The following NUMBL variants were observed in gnomAD, a reference collection of about 807,000 sequenced individuals.
The protein encoded by NUMBL is NUMB like endocytic adaptor protein, also known as numb-like protein.
NUMBL carries 20 observed loss-of-function variants against 48.9 expected under a neutral mutation model. The ratio of observed to expected loss-of-function variants is 0.41; its 90% CI spans 0.29 to 0.59. The LOEUF is 0.59. NUMBL is among the 20% of genes least tolerant of loss of function. The probability of loss-of-function intolerance (pLI) is 0.31; values close to 1 mark genes in which losing one functional copy is unlikely to be tolerated. For synonymous variants in NUMBL, 340 were observed against 348.7 expected (o/e 0.98, Z 0.28); for missense variants, 660 against 846.2 (o/e 0.78, Z 2.73).
At chr19:40,686,610 T>G (rs946362399) in intron 2 of NUMBL, among the ~76,000 whole-genome samples, 11 of 152,176 alleles carry the variant, frequency 7.2e-5, no homozygotes, top group Non-Finnish European at 1.5e-4. Context: ...TCAGCATGTG[T>G]TCAAGTGTGT....
At chr19:40,679,127 C>T (rs1194881231) in intron 6 of NUMBL, among the ~76,000 whole-genome samples, 1 of 151,942 alleles carries the variant, frequency 6.6e-6, no homozygotes, top group Non-Finnish European at 1.5e-5. Context: ...AAGCAGCTCA[C>T]GCCTGTAATC....
chr19:40,690,046 AGTT>A lies in NUMBL; in HGVS notation c.24+411_24+413del, dbSNP rs150036922. 32 of 158,982 alleles carry A rather than the reference AGTT, an allele frequency of 2.0e-4. No homozygotes were observed. The East Asian group carries it at 2.3e-3, about 12-fold the overall frequency. The allele number at this position is 158,982 out of a possible 1,614,324, so 9.8% of individuals were successfully genotyped here. A position where few individuals can be genotyped will look rare whatever the true frequency, so the allele number is the denominator to read the frequency against. ...CCCATCCTCGAGACCGTACCTAGGC[AGTT>A]GTTGTGCTGAGACCCCCTTAGGCAG... On this transcript the variant is annotated intron_variant, in intron 1 of 9. Transcript: ENST00000252891.
chr19:40,680,817 C>A, intron 6 of NUMBL, 100 bp downstream of exon 6: 1 of 1,308,428 alleles, frequency 7.6e-7, no homozygotes, highest in South Asian at 1.3e-5. Context: ...ACTGGGCACA[C>A]AGAGGTTAGT....
In NUMBL at chr19:40,682,985, T is replaced by TTG. The variant is rs780482230; in HGVS notation, c.250-18_250-17insCA. The TTG allele has an allele frequency of 2.8e-6, 4 of 1,442,886 alleles. No homozygotes were observed. Among genetic ancestry groups the TTG allele is most frequent in the Non-Finnish European group, 3.8e-6 (4 of 1,050,270 alleles). The allele number at this position is 1,442,886 out of a possible 1,614,324, so 89.4% of individuals were successfully genotyped here. A position where few individuals can be genotyped will look rare whatever the true frequency, so the allele number is the denominator to read the frequency against. The stretch of plus-strand genomic sequence containing the variant: ...ACCCAGGTACTTGGGTTGGAGGGAA[T>TTG]GGGGGGGGGGACATGAAACAGCACA... On this transcript the variant is annotated splice_polypyrimidine_tract_variant and intron_variant, in intron 3 of 9. Coordinates refer to ENST00000252891, the MANE Select transcript of NUMBL (RefSeq NM_004756.5). The surrounding 1 kb of genome is among the most constrained non-coding windows in gnomAD (Gnocchi z 4.0).
Position 40,682,778 on chromosome 19 carries a change from C to T in NUMBL, c.349G>A (p.Val117Ile), listed in dbSNP as rs1258892488. Residue 117 changes from valine to isoleucine, a missense_variant, in exon 5 of 10, where the codon GTC becomes ATC. Val to Ile is a conservative substitution (Grantham distance 29). This residue lies in a region of NUMBL where 278 missense variants were observed against 420.6 expected (regional missense o/e 0.66). Transcript: ENST00000252891. The surrounding 1 kb of genome is among the most constrained non-coding windows in gnomAD (Gnocchi z 4.0). ...KAMGRKSVKS[V>I]LWVSADGLRV... ...AGCCCATCGGCTGACACCCACAGGACAGACTTCACGGACTTTCGGCCCATC... is the reference window on the plus strand; with the variant it reads ...AGCCCATCGGCTGACACCCACAGGATAGACTTCACGGACTTTCGGCCCATC... 1 of 1,614,204 alleles carries T rather than the reference C, an allele frequency of 6.2e-7. No homozygotes were observed. The highest frequency in any genetic ancestry group is 1.1e-5 in the South Asian group (1 of 91,084).
At chr19:40,671,492 C>T (rs1476830002) in intron 8 of NUMBL, among the ~76,000 whole-genome samples, 1 of 152,208 alleles carries the variant, frequency 6.6e-6, no homozygotes, top group African/African-American at 2.4e-5. Context: ...GGAGCTCCTG[C>T]CACCTCTCAG....
intron 3 of NUMBL, chr19:40,684,215 C>T: frequency 1.8e-6 from 1 of 563,668 alleles, no homozygotes; most frequent in South Asian, 2.1e-5. Flanking sequence ...ACTACAGGCG[C>T]CCGCCACCAC....
intron 7 of NUMBL, among the ~76,000 whole-genome samples, chr19:40,674,182 G>T (rs1299469111): frequency 6.6e-6 from 1 of 152,078 alleles, no homozygotes; most frequent in African/African-American, 2.4e-5. Context: ...CCAAATGACT[G>T]CCCGCCCTGT....
At chr19:40,674,769 G>A (rs1452892562) in intron 7 of NUMBL, among the ~76,000 whole-genome samples, 1 of 152,108 alleles carries the variant, frequency 6.6e-6, no homozygotes, top group Non-Finnish European at 1.5e-5. Flanking sequence ...AGAAACCTGG[G>A]ATAAACATCT....
intron 3 of NUMBL, among the ~76,000 whole-genome samples, chr19:40,683,727 C>G (rs995672310): frequency 6.6e-6 from 1 of 152,100 alleles, no homozygotes; most frequent in Admixed American, 6.6e-5. Context: ...AATGCTACAC[C>G]ACATGACGGC....
At chr19:40,671,792 T>G (rs905310760) in intron 8 of NUMBL, among the ~76,000 whole-genome samples, 3 of 152,148 alleles carry the variant, frequency 2.0e-5, no homozygotes, top group Non-Finnish European at 4.4e-5. Context: ...TGGCTGCTGG[T>G]GGGGAAGACA....
At chr19:40,690,435 A>T in intron 1 of NUMBL, 25 bp downstream of exon 1, 1 of 1,188,140 alleles carries the variant, frequency 8.4e-7, no homozygotes, top group Non-Finnish European at 1.1e-6. Context: ...CCCCGACCCG[A>T]GCCCCCCTCT....
chr19:40,669,806 A>G, intron 9 of NUMBL, 92 bp downstream of exon 9: 4 of 1,500,014 alleles, frequency 2.7e-6, no homozygotes, highest in Non-Finnish European at 3.6e-6. Context: ...GTAGGATCCC[A>G]AGACCCCTGG....
rs752052637 is a variant in NUMBL at position 40,667,285 on chromosome 19, T to C, written c.*183A>G. On this transcript the variant is annotated 3_prime_UTR_variant, in exon 10 of 10. Coordinates refer to ENST00000252891, the MANE Select transcript of NUMBL (RefSeq NM_004756.5). The surrounding 1 kb of genome is among the most constrained non-coding windows in gnomAD (Gnocchi z 6.1). ...AGGCTGGGTCCGTCCCTGAATTCCA[T>C]CCTGTTGCAACCTGGGCGTCACAAT... 2.3e-6 allele frequency: 2 copies of C among 868,332 alleles called. No individual in the cohort carries two copies. Among genetic ancestry groups the C allele is most frequent in the Non-Finnish European group, 3.4e-6 (2 of 584,122 alleles). The allele number at this position is 868,332 out of a possible 1,614,324, so 53.8% of individuals were successfully genotyped here.
chr19:40,668,739 A>T (rs1485392450), intron 9 of NUMBL, among the ~76,000 whole-genome samples: 1 of 152,184 alleles, frequency 6.6e-6, no homozygotes, highest in Non-Finnish European at 1.5e-5. Flanking sequence ...GATTACAGGC[A>T]TGAGCCACCA....
intron 9 of NUMBL, among the ~76,000 whole-genome samples, chr19:40,668,687 T>G (rs1450552004): frequency 6.6e-6 from 1 of 152,126 alleles, no homozygotes; most frequent in South Asian, 2.1e-4. Flanking sequence ...CTCGAACTCC[T>G]ACCTCAAGTA....
rs1467690879 is a variant in NUMBL at position 40,688,124 on chromosome 19, T to C, written c.25-1129A>G. On this transcript the variant is annotated intron_variant, in intron 1 of 9. Coordinates refer to ENST00000252891, the MANE Select transcript of NUMBL (RefSeq NM_004756.5). This position sits in a 1 kb window ranked among gnomAD's most constrained non-coding sequence, Gnocchi z 4.6. ...TCAAGACACAGCCATGGTGGTCCTATAGGCATGGCCACAGCATCAATGTCC... is the reference window on the plus strand; with the variant it reads ...TCAAGACACAGCCATGGTGGTCCTACAGGCATGGCCACAGCATCAATGTCC... 1.3e-5 allele frequency among the ~76,000 whole-genome samples: 2 copies of C among 152,168 alleles called. No homozygotes were observed. Among genetic ancestry groups the C allele is most frequent in the African/African-American group, 4.8e-5 (2 of 41,432 alleles).
chr19:40,684,289 G>A (rs2081921844), intron 3 of NUMBL, 128 bp downstream of exon 3: 4 of 978,874 alleles, frequency 4.1e-6, no homozygotes, highest in Admixed American at 5.3e-5. Context: ...AGGACTGCCG[G>A]CCTCACGCTT....
At chr19:40,680,820 A>C in intron 6 of NUMBL, 97 bp downstream of exon 6, 1 of 1,308,588 alleles carries the variant, frequency 7.6e-7, no homozygotes, top group East Asian at 2.3e-5. Context: ...GGGCACACAG[A>C]GGTTAGTGAT....
Sources: allele counts gnomAD v4.1 joint callset (sites outside exome capture counted in the v4.1 genomes callset), GRCh38; gene constraint gnomAD v4.1.1; regional missense constraint gnomAD v4.1.1; non-coding constraint Gnocchi (gnomAD v3.1); transcripts MANE v1.5; gene names NCBI Gene and HGNC (gene_info 2026-07-23, HGNC 2026-07-21).